IL1RAPL1: variants seen among roughly 807,000 people sequenced by gnomAD.
The protein encoded by IL1RAPL1 is interleukin 1 receptor accessory protein like 1.
IL1RAPL1 carries 3 observed loss-of-function variants against 48.4 expected under a neutral mutation model. That is an observed-to-expected ratio of 0.06 (90% CI 0.03 to 0.16). The LOEUF (loss-of-function observed/expected upper bound fraction) is 0.16. Ranked by LOEUF, IL1RAPL1 falls within the 10% of genes least tolerant of loss-of-function variation. The pLI, the probability that IL1RAPL1 is intolerant of heterozygous loss-of-function variation, is 1.00. For missense variants in IL1RAPL1, 349 were observed against 530.6 expected (o/e 0.66, Z 3.36); for synonymous variants, 185 against 187.7 (o/e 0.99, Z 0.12).
chrX:29,913,900 C>T lies in IL1RAPL1; in HGVS notation c.779-3564C>T, dbSNP rs577716022. 6.5e-5 allele frequency among the ~76,000 whole-genome samples: 6 copies of T among 92,195 alleles called. No homozygotes were observed. In the South Asian group the frequency reaches 1.9e-3, roughly 29 times the overall value. 80.1% of individuals were successfully genotyped at this position (92,195 alleles called of 115,157 possible). ...CCTAATCTTCCCTCTACTTGCCCCT[C>T]GTCTACACTTTAGCTTCAGCCCCTT... On this transcript the variant is annotated intron_variant, in intron 6 of 10. Coordinates refer to ENST00000378993, the MANE Select transcript of IL1RAPL1 (RefSeq NM_014271.4).
chrX:29,327,282 A>T (rs970829124), intron 3 of IL1RAPL1, among the ~76,000 whole-genome samples: 2 of 110,842 alleles, frequency 1.8e-5, no homozygotes, highest in African/African-American at 6.5e-5. Context: ...TTTGCTGTCA[A>T]TGAAACATAT....
In IL1RAPL1 at chrX:29,399,139, T is replaced by C; in HGVS notation, c.550-16T>C. Reference sequence around the variant, plus strand: ...ATTACTATATGTACTACCAAAATTGTATGTTCTTCATATAGGAATGCAGGA... The same window carrying C: ...ATTACTATATGTACTACCAAAATTGCATGTTCTTCATATAGGAATGCAGGA... On this transcript the variant is annotated splice_polypyrimidine_tract_variant and intron_variant, in intron 4 of 10. Transcript: ENST00000378993. The C allele has an allele frequency of 8.4e-7, 1 of 1,183,476 alleles. No homozygotes were observed. Among genetic ancestry groups the C allele is most frequent in the Non-Finnish European group, 1.1e-6 (1 of 869,914 alleles).
chrX:29,496,795 C>G (rs929394319), intron 5 of IL1RAPL1, among the ~76,000 whole-genome samples: 3 of 111,560 alleles, frequency 2.7e-5, no homozygotes, highest in Non-Finnish European at 5.6e-5. Flanking sequence ...GAGAGTTTTA[C>G]TACTATGACC....
intron 2 of IL1RAPL1, among the ~76,000 whole-genome samples, chrX:29,096,787 T>C (rs1928225493): frequency 9.0e-6 from 1 of 110,629 alleles, no homozygotes; most frequent in Non-Finnish European, 1.9e-5. Flanking sequence ...AGGTCCAAAA[T>C]GGCCTTTACA....
At chrX:28,888,194 CT>C (rs1207566391) in intron 2 of IL1RAPL1, among the ~76,000 whole-genome samples, 1 of 108,481 alleles carries the variant, frequency 9.2e-6, no homozygotes, top group Non-Finnish European at 1.9e-5. Context: ...GATGAAGTGA[CT>C]TGGTTTTATG....
intron 6 of IL1RAPL1, among the ~76,000 whole-genome samples, chrX:29,706,047 G>T (rs1927185999): frequency 8.9e-6 from 1 of 111,754 alleles, no homozygotes; most frequent in Non-Finnish European, 1.9e-5. Flanking sequence ...CATCTTACGT[G>T]GATGGCAGCA....
At chrX:28,762,815 CACACACACAG>C (rs1402701475) in intron 1 of IL1RAPL1, among the ~76,000 whole-genome samples, 657 of 52,591 alleles carry the variant, frequency 0.012, 8 homozygotes, top group African/African-American at 0.034. Flanking sequence ...CACACACACA[CACACACACAG>C]AGAGAGAGAG....
chrX:29,176,636 G>A (rs1930029619), intron 2 of IL1RAPL1, among the ~76,000 whole-genome samples: 1 of 110,736 alleles, frequency 9.0e-6, no homozygotes, highest in South Asian at 3.8e-4. Flanking sequence ...TTCCTCTCTA[G>A]CAACTTAAGG....
At chrX:29,766,395 A>ATATATATCCAAATATATATATATT (rs1348389479) in intron 6 of IL1RAPL1, among the ~76,000 whole-genome samples, 1 of 96,779 alleles carries the variant, frequency 1.0e-5, no homozygotes, top group Non-Finnish European at 2.0e-5. Context: ...ATATTTTTAT[A>ATATATATCCAAATATATATATATT]TATATATCCA....
chrX:28,651,426 A>G (rs1189349766), intron 1 of IL1RAPL1, among the ~76,000 whole-genome samples: 2 of 112,310 alleles, frequency 1.8e-5, no homozygotes, highest in African/African-American at 6.5e-5. Flanking sequence ...CACAATGACT[A>G]TATGATTCAC....
At chrX:29,080,994 T>TCTCTCTCTCTC (rs1927809544) in intron 2 of IL1RAPL1, among the ~76,000 whole-genome samples, 1 of 26,438 alleles carries the variant, frequency 3.8e-5, no homozygotes, top group Non-Finnish European at 7.8e-5. Flanking sequence ...CTTTCTTTCT[T>TCTCTCTCTCTC]TCTCTCTCTC....
At chrX:29,251,002 C>A (rs770662874) in intron 2 of IL1RAPL1, among the ~76,000 whole-genome samples, 1 of 112,458 alleles carries the variant, frequency 8.9e-6, no homozygotes, top group Admixed American at 9.4e-5. Flanking sequence ...TGGATCACTT[C>A]TTTTCTGGAA....
At chrX:29,301,428 C>T (rs2147611624) in intron 3 of IL1RAPL1, among the ~76,000 whole-genome samples, 1 of 112,125 alleles carries the variant, frequency 8.9e-6, no homozygotes, top group East Asian at 2.8e-4. Flanking sequence ...TTTTCTGCCA[C>T]ATAGCTACCA....
intron 1 of IL1RAPL1, among the ~76,000 whole-genome samples, chrX:28,731,416 A>T (rs1032410212): frequency 4.5e-5 from 5 of 111,540 alleles, no homozygotes; most frequent in Non-Finnish European, 9.4e-5. Context: ...TGCCATGATA[A>T]CTTCTCCCCA....
chrX:29,391,582 A>AT lies in IL1RAPL1; in HGVS notation c.363-4669dup, dbSNP rs1372841301. Among the ~76,000 whole-genome samples, 3 of 111,555 alleles carry AT rather than the reference A, an allele frequency of 2.7e-5. No homozygotes were observed. The East Asian group carries it at 8.5e-4, about 31-fold the overall frequency. On this transcript the variant is annotated intron_variant, in intron 3 of 10. Coordinates refer to ENST00000378993, the MANE Select transcript of IL1RAPL1 (RefSeq NM_014271.4). ...TCAAAAAAATCAAGTTAGATCATGG[A>AT]TTTTTTTGAAAACTTGGGTCATTAA...
chrX:28,616,711 CGT>C (rs1478463805), intron 1 of IL1RAPL1, among the ~76,000 whole-genome samples: 2 of 112,046 alleles, frequency 1.8e-5, no homozygotes, highest in Admixed American at 9.4e-5. Context: ...GGATTACAGG[CGT>C]GAGCCACCGC....
chrX:29,923,084 CT>C (rs1932859051), intron 8 of IL1RAPL1, among the ~76,000 whole-genome samples: 1 of 111,907 alleles, frequency 8.9e-6, no homozygotes, highest in African/African-American at 3.2e-5. Flanking sequence ...TTTCAGAGCC[CT>C]CCAATGGGTG....
intron 5 of IL1RAPL1, among the ~76,000 whole-genome samples, chrX:29,537,483 A>G (rs1921270035): frequency 9.1e-6 from 1 of 110,218 alleles, no homozygotes; most frequent in Non-Finnish European, 1.9e-5. Flanking sequence ...AAATAAAAGG[A>G]TAATAGAATA....
chrX:29,608,465 G>T (rs1426011765), intron 5 of IL1RAPL1, among the ~76,000 whole-genome samples: 1 of 83,408 alleles, frequency 1.2e-5, no homozygotes, highest in Non-Finnish European at 2.2e-5. Context: ...AGGAAAGGAA[G>T]AAAGAAAGGA....
Sources: allele counts gnomAD v4.1 joint callset (sites outside exome capture counted in the v4.1 genomes callset), GRCh38; gene constraint gnomAD v4.1.1; transcripts MANE v1.5; gene names NCBI Gene and HGNC (gene_info 2026-07-23, HGNC 2026-07-21).